DYNC2H1: variants seen among roughly 807,000 people sequenced by gnomAD.
DYNC2H1 encodes dynein cytoplasmic 2 heavy chain 1.
A neutral mutation model predicts 570.0 loss-of-function variants in DYNC2H1; 410 were observed. The ratio of observed to expected loss-of-function variants is 0.72; its 90% CI spans 0.66 to 0.78. The LOEUF (loss-of-function observed/expected upper bound fraction) is 0.78, where lower values mean the gene tolerates loss of function less well. DYNC2H1 is among the 30% of genes least tolerant of loss of function. DYNC2H1 has a pLI of 0.00. For synonymous variants in DYNC2H1, 1,688 were observed against 1,677.6 expected (o/e 1.01, Z -0.15); for missense variants, 4,865 against 5,046.4 (o/e 0.96, Z 1.09).
chr11:103,210,587 A>G (rs550194261), intron 53 of DYNC2H1, among the ~76,000 whole-genome samples: 2 of 152,222 alleles, frequency 1.3e-5, no homozygotes, highest in Admixed American at 1.3e-4. Context: ...AATTTCTGAT[A>G]TAGCAAGATA....
chr11:103,138,521 A>G (rs1859702427), intron 17 of DYNC2H1, among the ~76,000 whole-genome samples: 1 of 152,056 alleles, frequency 6.6e-6, no homozygotes, highest in African/African-American at 2.4e-5. Flanking sequence ...ACATTTATTG[A>G]TTTGTGTATA....
chr11:103,247,074 G>A (rs918195070), intron 65 of DYNC2H1, among the ~76,000 whole-genome samples: 16 of 151,352 alleles, frequency 1.1e-4, no homozygotes, highest in African/African-American at 3.9e-4. Context: ...GCAGTTTGCA[G>A]TTGGTAAATA....
intron 83 of DYNC2H1, among the ~76,000 whole-genome samples, chr11:103,374,327 C>T (rs1941301579): frequency 6.6e-6 from 1 of 152,142 alleles, no homozygotes; most frequent in South Asian, 2.1e-4. Context: ...ACTGGCATTT[C>T]CCCTGCTGGC....
chr11:103,255,305 A>T, intron 66 of DYNC2H1, 110 bp from the exon 67 acceptor site: 2 of 1,183,134 alleles, frequency 1.7e-6, no homozygotes, highest in African/African-American at 1.6e-5. Context: ...ATGAGATAAC[A>T]TAGTATCATA....
intron 55 of DYNC2H1, among the ~76,000 whole-genome samples, chr11:103,217,462 C>CA (rs954131940): frequency 1.3e-5 from 2 of 151,952 alleles, no homozygotes; most frequent in African/African-American, 2.4e-5. Context: ...TGATTTTACA[C>CA]AAAAATGCCA....
rs1866091693 is a variant in DYNC2H1, at chr11:103,280,606, G to A, written c.10761+193G>A. On this transcript the variant is annotated intron_variant, in intron 71 of 88. Transcript: ENST00000375735. This position sits in a 1 kb window ranked among gnomAD's most constrained non-coding sequence, Gnocchi z 4.7. ...CTGTGGATGAGCCTAACATTCCAGA[G>A]TGATGGTAAAGCAGGGAAAGAAATC... Among the ~76,000 whole-genome samples the A allele has an allele frequency of 6.6e-6, 1 of 152,130 alleles. No individual in the cohort carries two copies.
chr11:103,250,889 T>C (rs956757413), intron 65 of DYNC2H1, among the ~76,000 whole-genome samples: 1 of 152,048 alleles, frequency 6.6e-6, no homozygotes, highest in Non-Finnish European at 1.5e-5. Flanking sequence ...CATTTAGTCA[T>C]AGAACTTATT....
intron 1 of DYNC2H1, among the ~76,000 whole-genome samples, chr11:103,112,259 T>C (rs762531153): frequency 6.6e-6 from 1 of 152,164 alleles, no homozygotes; most frequent in Non-Finnish European, 1.5e-5. Context: ...CTGGAGTTTA[T>C]GGTATGAAGG....
In DYNC2H1 at chr11:103,220,687, G is replaced by A. The variant is rs755871858; in HGVS notation, c.9011G>A (p.Arg3004His). ...NIKPESLSEI[R>H]SLRMPPDVIR... Reference sequence around the variant, plus strand: ...AAGCCCGAATCACTTTCAGAAATTCGCTCACTACGCATGCCACCTGATGTA... The same window carrying A: ...AAGCCCGAATCACTTTCAGAAATTCACTCACTACGCATGCCACCTGATGTA... The change falls in exon 57 of 89, where the codon CGC (arginine) becomes CAC (histidine). Residue 3004 changes from arginine to histidine, a missense_variant. Coordinates refer to ENST00000375735, the MANE Select transcript of DYNC2H1 (RefSeq NM_001377.3). 55 of 1,612,260 alleles carry A rather than the reference G, an allele frequency of 3.4e-5. No individual in the cohort carries two copies. Among genetic ancestry groups the A allele is most frequent in the Non-Finnish European group, 4.5e-5 (53 of 1,178,964 alleles).
chr11:103,198,696 G>A lies in DYNC2H1; in HGVS notation c.7840-532G>A, dbSNP rs145340577. Among the ~76,000 whole-genome samples, 765 of 152,202 alleles carry A rather than the reference G, an allele frequency of 5.0e-3. 3 individuals carry two copies. Among genetic ancestry groups the A allele is most frequent in the Middle Eastern group, 0.01 (3 of 294 alleles). On this transcript the variant is annotated intron_variant, in intron 48 of 88. Coordinates refer to ENST00000375735, the MANE Select transcript of DYNC2H1 (RefSeq NM_001377.3). The stretch of plus-strand genomic sequence containing the variant: ...AATGGATGTTGCAAAGTTTTGAAGC[G>A]TTGAAAGTTGTTAAATATGTAAAGT...
intron 84 of DYNC2H1, among the ~76,000 whole-genome samples, chr11:103,411,938 T>C (rs988544344): frequency 3.3e-5 from 5 of 152,140 alleles, no homozygotes; most frequent in Non-Finnish European, 5.9e-5. Flanking sequence ...TTTCAAAGTA[T>C]GAAAAATGTG....
At chr11:103,454,577 C>A (rs986005267) in intron 85 of DYNC2H1, among the ~76,000 whole-genome samples, 2 of 152,096 alleles carry the variant, frequency 1.3e-5, no homozygotes, top group Non-Finnish European at 2.9e-5. Context: ...TTGGTTAATA[C>A]ATGGAAAGCA....
intron 12 of DYNC2H1, among the ~76,000 whole-genome samples, chr11:103,126,555 A>T (rs949201881): frequency 6.6e-6 from 1 of 152,172 alleles, no homozygotes; most frequent in East Asian, 1.9e-4. Context: ...CAGATGTTTA[A>T]CAAAGTTTTC....
intron 83 of DYNC2H1, among the ~76,000 whole-genome samples, chr11:103,377,370 CTT>C (rs374557742): frequency 1.6e-4 from 25 of 152,004 alleles, no homozygotes; most frequent in African/African-American, 5.8e-4. Context: ...TTCAGAGACT[CTT>C]TTTTTCTGCT....
At position 103,145,603 on chromosome 11, in the gene DYNC2H1, A is replaced by G. The variant is rs1416017821; in HGVS notation, c.2703-2169A>G. Among the ~76,000 whole-genome samples, 2 of 152,148 alleles carry G rather than the reference A, an allele frequency of 1.3e-5. No individual in the cohort carries two copies. Among genetic ancestry groups the G allele is most frequent in the South Asian group, 2.1e-4 (1 of 4,834 alleles). On this transcript the variant is annotated intron_variant, in intron 18 of 88. Transcript: ENST00000375735. This position sits in a 1 kb window ranked among gnomAD's most constrained non-coding sequence, Gnocchi z 4.2. The stretch of plus-strand genomic sequence containing the variant: ...ATGCCTATCCCACACTGTATTTTTC[A>G]TTTTGTCATTTCTTGCTAACAAATT...
chr11:103,447,811 C>T (rs1423937452), intron 85 of DYNC2H1, among the ~76,000 whole-genome samples: 1 of 151,948 alleles, frequency 6.6e-6, no homozygotes, highest in Admixed American at 6.6e-5. Context: ...TGTTTTGTTT[C>T]TTCTCTGTTT....
At chr11:103,246,762 G>A (rs1864634464) in intron 65 of DYNC2H1, among the ~76,000 whole-genome samples, 1 of 152,008 alleles carries the variant, frequency 6.6e-6, no homozygotes, top group Admixed American at 6.6e-5. Context: ...TCTGGGGACA[G>A]AGGATGGTAG....
In DYNC2H1 at chr11:103,245,873, C is replaced by T. The variant is rs891930446; in HGVS notation, c.10042+499C>T. ...GTCTTGGATGATTAGAAGGCTATGC[C>T]TTGAAACTTAAAGAGCATATCATGC... On this transcript the variant is annotated intron_variant, in intron 65 of 88. Transcript: ENST00000375735. The surrounding 1 kb of genome is among the most constrained non-coding windows in gnomAD (Gnocchi z 4.5). 1.3e-5 allele frequency among the ~76,000 whole-genome samples: 2 copies of T among 152,058 alleles called. No individual in the cohort carries two copies. The highest frequency in any genetic ancestry group is 1.3e-4 in the Admixed American group (2 of 15,242).
intron 57 of DYNC2H1, among the ~76,000 whole-genome samples, chr11:103,221,064 A>C (rs1863566935): frequency 6.6e-6 from 1 of 152,136 alleles, no homozygotes; most frequent in Non-Finnish European, 1.5e-5. Context: ...TTTGGTCCAT[A>C]CATAGTATAG....
Sources: gnomAD v4.1 joint callset for allele counts (sites outside exome capture counted in the v4.1 genomes callset) on GRCh38, gnomAD v4.1.1 for gene constraint, Gnocchi (gnomAD v3.1) non-coding constraint, MANE v1.5 for transcripts, NCBI Gene and HGNC (gene_info 2026-07-23, HGNC 2026-07-21) for gene names.